The following ALG1L2 variants were observed in gnomAD, a reference collection of about 807,000 sequenced individuals.
The protein encoded by ALG1L2 is ALG1 chitobiosyldiphosphodolichol beta-mannosyltransferase like 2, also known as putative glycosyltransferase ALG1L2.
ALG1L2 carries 32 observed loss-of-function variants against 29.0 expected under a neutral mutation model. The ratio of observed to expected loss-of-function variants is 1.10; its 90% confidence interval spans 0.83 to 1.48. The LOEUF (loss-of-function observed/expected upper bound fraction) is 1.48. Ranked by LOEUF, ALG1L2 falls within the 40% of genes most tolerant of loss-of-function variation. The pLI is 0.00. For synonymous variants in ALG1L2, 110 were observed against 109.5 expected (o/e 1.00, Z -0.03); for missense variants, 318 against 274.1 (o/e 1.16, Z -1.13).
intron 6 of ALG1L2, 62 bp from the exon 7 acceptor site, chr3:130,097,113 G>A (rs1935156860): frequency 1.9e-6 from 3 of 1,596,270 alleles, no homozygotes; most frequent in Admixed American, 1.8e-5. Context: ...GCCCAGCTGG[G>A]CACCCCAGGG....
rs4610271 is a variant in ALG1L2, at chr3:130,094,458, G to A, written c.369G>A (p.Gln123=). The change falls in exon 5 of 8, where the codon CAG becomes CAA. Residue 123 remains glutamine, a synonymous_variant. Transcript: ENST00000425059. ...YSRLIHQKHF[Q]HIQVCIPWLE... ...GCCTCATCCACCAGAAGCATTTCCAGCACATCCAGGTCTGCATCCCCTGGC... is the reference window on the plus strand; with the variant it reads ...GCCTCATCCACCAGAAGCATTTCCAACACATCCAGGTCTGCATCCCCTGGC... 1,022,262 of 1,595,298 alleles carry A rather than the reference G, an allele frequency of 0.64. 334,322 individuals are homozygous for A. Among genetic ancestry groups the A allele is most frequent in the Middle Eastern group, 0.74 (3,281 of 4,434 alleles).
intron 7 of ALG1L2, among the ~76,000 whole-genome samples, 171 bp downstream of exon 7, chr3:130,097,421 C>T (rs530053520): frequency 3.9e-5 from 6 of 152,302 alleles, no homozygotes; most frequent in African/African-American, 7.2e-5. Context: ...TGTCCCATTT[C>T]GGTACAGTAG....
intron 1 of ALG1L2, among the ~76,000 whole-genome samples, chr3:130,088,374 C>T (rs1460100883): frequency 1.3e-5 from 2 of 152,300 alleles, no homozygotes; most frequent in East Asian, 1.9e-4. Flanking sequence ...GTGGGTCTTT[C>T]CCCTGCTGTT....
Position 130,093,434 on chromosome 3 carries a change from C to CTT in ALG1L2, c.313+287_313+288dup, listed in dbSNP as rs34096233. On this transcript the variant is annotated intron_variant, in intron 4 of 7. Transcript: ENST00000425059. Reference sequence around the variant, plus strand: ...TTTTTTGTTGTTATGTCATTGGTGTCTTTTTTTTTTTTTTGAGACAAAGAC... The same window carrying CTT: ...TTTTTTGTTGTTATGTCATTGGTGTCTTTTTTTTTTTTTTTTGAGACAAAGAC... 4.0e-3 allele frequency among the ~76,000 whole-genome samples: 574 copies of CTT among 142,918 alleles called. 3 individuals carry two copies. The highest frequency in any genetic ancestry group is 0.011 in the African/African-American group (442 of 38,854). The allele number at this position is 142,918 out of a possible 152,430, so 93.8% of individuals were successfully genotyped here. A position where few individuals can be genotyped will look rare whatever the true frequency, so the allele number is the denominator to read the frequency against.
Position 130,096,034 on chromosome 3 carries a change from C to T in ALG1L2, c.425-15C>T, listed in dbSNP as rs753929187. 5 of 1,604,112 alleles carry T rather than the reference C, an allele frequency of 3.1e-6. No homozygotes were observed. In the East Asian group the frequency reaches 8.9e-5, roughly 29 times the overall value. On this transcript the variant is annotated splice_polypyrimidine_tract_variant and intron_variant, in intron 5 of 7. Coordinates refer to ENST00000425059, the MANE Select transcript of ALG1L2 (RefSeq NM_001136152.1). ...CAGAGACCAGCGCTCTGGCCACACC[C>T]CTCTTGCCTAGCAGGGTCGGTGGAC... is the stretch of plus-strand genomic sequence containing the variant.
chr3:130,091,954 C>T lies in ALG1L2; in HGVS notation c.132-147C>T, dbSNP rs560369358. The T allele has an allele frequency of 5.0e-4, 669 of 1,330,632 alleles. 4 individuals are homozygous for T. The African/African-American group carries it at 8.3e-3, about 16-fold the overall frequency. 82.4% of individuals were successfully genotyped at this position (1,330,632 alleles called of 1,614,324 possible). ...TATTAGAGAAAGCAAGCCCAGGCCTCGATTGGCAGGGGTGGCCTGGTGCTG... is the reference window on the plus strand; with the variant it reads ...TATTAGAGAAAGCAAGCCCAGGCCTTGATTGGCAGGGGTGGCCTGGTGCTG... On this transcript the variant is annotated intron_variant, in intron 2 of 7. Coordinates refer to ENST00000425059, the MANE Select transcript of ALG1L2 (RefSeq NM_001136152.1).
At chr3:130,090,404 A>G (rs1478314344) in intron 1 of ALG1L2, among the ~76,000 whole-genome samples, 5,861 of 144,690 alleles carry the variant, frequency 0.041, no homozygotes, top group African/African-American at 0.16. Context: ...TTTAGCATGC[A>G]AAATAGAATC....
At chr3:130,086,625 T>A (rs1373406597) in intron 1 of ALG1L2, among the ~76,000 whole-genome samples, 3 of 149,102 alleles carry the variant, frequency 2.0e-5, no homozygotes, top group African/African-American at 7.3e-5. Context: ...TGCAGTGACC[T>A]ATGATCACAT....
At position 130,097,197 on chromosome 3, in the gene ALG1L2, G is replaced by C; in HGVS notation, c.562G>C (p.Glu188Gln). Residue 188 changes from glutamate to glutamine, a missense_variant, in exon 7 of 8, where the codon GAA becomes CAA. Physicochemically the swap from Glu to Gln is conservative, Grantham distance 29 (BLOSUM62 2). Coordinates refer to ENST00000425059, the MANE Select transcript of ALG1L2 (RefSeq NM_001136152.1). Reference sequence around the variant, plus strand: ...CAGTTTACATGAGCTGGTGAAACATGAAGAAAACCGCCTGGTCTTTGAGGA... The same window carrying C: ...CAGTTTACATGAGCTGGTGAAACATCAAGAAAACCGCCTGGTCTTTGAGGA... ...FKCLHELVKH[E>Q]ENRLVFEDSE... 1.2e-6 allele frequency: 2 copies of C among 1,611,878 alleles called. No homozygotes were observed. Among genetic ancestry groups the C allele is most frequent in the Non-Finnish European group, 1.7e-6 (2 of 1,179,866 alleles).
rs1199827154 is a variant in ALG1L2 at position 130,084,760 on chromosome 3, G to C, written c.20+2724G>C. ...CAGGCTCCCTCTGAGGATGCTAGGG[G>C]AAGGATCTCCCTCCCAGCTTCTGCC... On this transcript the variant is annotated intron_variant, in intron 1 of 7. Transcript: ENST00000425059. Among the ~76,000 whole-genome samples the C allele has an allele frequency of 1.6e-5, 2 of 126,350 alleles. 1 individual carries two copies. The highest frequency in any genetic ancestry group is 3.6e-5 in the Non-Finnish European group (2 of 55,026). 82.9% of individuals were successfully genotyped at this position (126,350 alleles called of 152,430 possible).
At chr3:130,093,527 AGCAATTCTCAT>A (rs1935065073) in intron 4 of ALG1L2, among the ~76,000 whole-genome samples, 1 of 151,564 alleles carries the variant, frequency 6.6e-6, no homozygotes, top group African/African-American at 2.4e-5. Context: ...CTCACATTCA[AGCAATTCTCAT>A]GCCTCAGCCT....
chr3:130,086,993 T>C (rs1311307774), intron 1 of ALG1L2, among the ~76,000 whole-genome samples: 4 of 151,060 alleles, frequency 2.6e-5, no homozygotes, highest in African/African-American at 9.7e-5. Context: ...AACCTTCCTT[T>C]CTTTCTTCTC....
chr3:130,094,543 A>AGGCG (rs1935090283), intron 5 of ALG1L2, 30 bp downstream of exon 5: 3 of 1,012,776 alleles, frequency 3.0e-6, no homozygotes, highest in Admixed American at 4.2e-5. Flanking sequence ...CTCAGGGAGG[A>AGGCG]GGCGGGGCCT....
chr3:130,089,480 T>C (rs182535463), intron 1 of ALG1L2: 2 of 79,634 alleles, frequency 2.5e-5, no homozygotes, highest in African/African-American at 1.0e-4. Flanking sequence ...TTTCCAAGCC[T>C]TCATAATCAA....
chr3:130,093,084 T>TC lies in ALG1L2; in HGVS notation c.254-16dup, dbSNP rs754179851. The stretch of plus-strand genomic sequence containing the variant: ...ATCAGAAATTCCATGTAGAATTGTT[T>TC]CTTTTTTTAAACACAGAGTTTGAAC... On this transcript the variant is annotated splice_polypyrimidine_tract_variant and intron_variant, in intron 3 of 7. Coordinates refer to ENST00000425059, the MANE Select transcript of ALG1L2 (RefSeq NM_001136152.1). 29 of 1,600,302 alleles carry TC rather than the reference T, an allele frequency of 1.8e-5. No individual in the cohort carries two copies. In the African/African-American group the frequency reaches 3.8e-4, roughly 21 times the overall value.
chr3:130,095,912 AG>A (rs1432547284), intron 5 of ALG1L2, 136 bp from the exon 6 acceptor site: 18 of 863,082 alleles, frequency 2.1e-5, no homozygotes, highest in Non-Finnish European at 2.8e-5. Flanking sequence ...GGCCAGCTTA[AG>A]CCACTTGTGG....
intron 1 of ALG1L2, among the ~76,000 whole-genome samples, chr3:130,085,293 T>C (rs1170754528): frequency 1.3e-5 from 2 of 149,610 alleles, no homozygotes; most frequent in African/African-American, 4.8e-5. Flanking sequence ...ATGGGGGTCT[T>C]GCTATGTTGG....
chr3:130,092,039 G>A, intron 2 of ALG1L2, 62 bp from the exon 3 acceptor site: 1 of 1,595,612 alleles, frequency 6.3e-7, no homozygotes, highest in African/African-American at 1.3e-5. Flanking sequence ...GGCAGGAGAT[G>A]CCCGTTCTGG....
intron 1 of ALG1L2, chr3:130,090,702 C>T (rs1298938189): frequency 6.5e-6 from 1 of 155,032 alleles, no homozygotes; most frequent in Admixed American, 6.2e-5. Flanking sequence ...AATAACTTAC[C>T]TTTCCACAGA....
Sources: allele counts gnomAD v4.1 joint callset (sites outside exome capture counted in the v4.1 genomes callset), GRCh38; gene constraint gnomAD v4.1.1; transcripts MANE v1.5; gene names NCBI Gene and HGNC (gene_info 2026-07-23, HGNC 2026-07-21).